FSTL5: variants seen among roughly 807,000 people sequenced by gnomAD.
FSTL5 encodes the protein follistatin like 5, also known as follistatin-related protein 5.
In FSTL5, 62 loss-of-function variants were observed where a neutral mutation model predicts 89.1. The observed-to-expected ratio is 0.70, with a 90% CI of 0.57 to 0.86. FSTL5 has a LOEUF of 0.86. Ranked by LOEUF, FSTL5 falls within the 40% of genes least tolerant of loss-of-function variation. The pLI, the probability that FSTL5 is intolerant of heterozygous loss-of-function variation, is 0.00. For synonymous variants in FSTL5, 383 were observed against 346.2 expected (o/e 1.11, Z -1.18); for missense variants, 1,057 against 1,001.6 (o/e 1.06, Z -0.75).
At chr4:161,558,707 C>T (rs1732480467) in intron 8 of FSTL5, among the ~76,000 whole-genome samples, 1 of 151,816 alleles carries the variant, frequency 6.6e-6, no homozygotes, top group South Asian at 2.1e-4. Flanking sequence ...TCATAGAGGT[C>T]ATCTCTCAAT....
At chr4:161,478,708 T>G (rs1729390844) in intron 13 of FSTL5, among the ~76,000 whole-genome samples, 1 of 152,040 alleles carries the variant, frequency 6.6e-6, no homozygotes, top group Non-Finnish European at 1.5e-5. Context: ...CAGAGGCATG[T>G]GTATATTTAC....
At chr4:162,072,582 A>G (rs1729673999) in intron 2 of FSTL5, among the ~76,000 whole-genome samples, 1 of 151,808 alleles carries the variant, frequency 6.6e-6, no homozygotes, top group African/African-American at 2.4e-5. Context: ...AAATATAGGC[A>G]CCCCTCAGTG....
chr4:161,573,537 A>C (rs2126589121), intron 8 of FSTL5, among the ~76,000 whole-genome samples: 1 of 77,474 alleles, frequency 1.3e-5, no homozygotes, highest in Admixed American at 1.4e-4. Context: ...GGAGTTCGCT[A>C]CCAGCCTGAC....
At chr4:161,449,650 G>C (rs1013269848) in intron 15 of FSTL5, among the ~76,000 whole-genome samples, 1 of 152,098 alleles carries the variant, frequency 6.6e-6, no homozygotes, top group African/African-American at 2.4e-5. Flanking sequence ...GTTTGTAGTT[G>C]AACTCTAACT....
chr4:161,591,311 G>T (rs575259086), intron 7 of FSTL5, among the ~76,000 whole-genome samples: 4 of 152,158 alleles, frequency 2.6e-5, no homozygotes, highest in South Asian at 2.1e-4. Context: ...CTGAGGGAAT[G>T]GGGGAGTGGG....
rs1477793587 is a variant in FSTL5, at chr4:161,920,350, T to A, written c.409+54A>T. The A allele has an allele frequency of 1.9e-6, 3 of 1,565,074 alleles. No individual in the cohort carries two copies. In the African/African-American group the frequency reaches 4.1e-5, roughly 21 times the overall value. On this transcript the variant is annotated intron_variant, in intron 4 of 15. Coordinates refer to ENST00000306100, the MANE Select transcript of FSTL5 (RefSeq NM_020116.5). ...ATTGCTAGAGTTTAAAGGCACTAGT[T>A]GAGAAAGAAAAGAAATAGAGTGGGG...
chr4:161,767,811 T>TA (rs1326149066), intron 5 of FSTL5, among the ~76,000 whole-genome samples: 10 of 151,534 alleles, frequency 6.6e-5, no homozygotes, highest in Admixed American at 6.6e-4. Flanking sequence ...CAAAACAACA[T>TA]AAAAGAGAGC....
intron 3 of FSTL5, among the ~76,000 whole-genome samples, chr4:161,932,316 G>A (rs1022947858): frequency 6.6e-6 from 1 of 151,704 alleles, no homozygotes; most frequent in Non-Finnish European, 1.5e-5. Context: ...CATAACAAGA[G>A]ACTATTTTTA....
chr4:161,660,665 A>G (rs1736674436), intron 6 of FSTL5, among the ~76,000 whole-genome samples: 1 of 151,794 alleles, frequency 6.6e-6, no homozygotes, highest in South Asian at 2.1e-4. Flanking sequence ...TGTTGTTCCC[A>G]TCTATGTGTC....
At chr4:161,456,600 C>CAGGGCA (rs1279249358) in intron 14 of FSTL5, among the ~76,000 whole-genome samples, 1 of 152,066 alleles carries the variant, frequency 6.6e-6, no homozygotes, top group Non-Finnish European at 1.5e-5. Flanking sequence ...AGGGCTTGCC[C>CAGGGCA]ATATTTTTGG....
At chr4:161,514,564 A>C (rs1360479007) in intron 10 of FSTL5, among the ~76,000 whole-genome samples, 1 of 152,192 alleles carries the variant, frequency 6.6e-6, no homozygotes, top group Non-Finnish European at 1.5e-5. Context: ...CCACTAGTCA[A>C]TAGATCCATG....
At chr4:161,889,266 T>C (rs530216920) in intron 4 of FSTL5, among the ~76,000 whole-genome samples, 32 of 152,260 alleles carry the variant, frequency 2.1e-4, no homozygotes, top group Admixed American at 1.8e-3. Context: ...TTTATTATAA[T>C]ACTATGGAAT....
intron 2 of FSTL5, among the ~76,000 whole-genome samples, chr4:162,092,080 T>C (rs865809712): frequency 1.7e-4 from 26 of 152,138 alleles, no homozygotes; most frequent in African/African-American, 5.8e-4. Flanking sequence ...CTTTTTAATA[T>C]TCAATCCTAA....
intron 4 of FSTL5, among the ~76,000 whole-genome samples, chr4:161,814,180 A>G (rs901873175): frequency 7.9e-5 from 12 of 152,310 alleles, no homozygotes; most frequent in Non-Finnish European, 1.5e-4. Flanking sequence ...ACAGAGAAGG[A>G]TAAGAAAATG....
intron 4 of FSTL5, among the ~76,000 whole-genome samples, chr4:161,813,941 A>T (rs1730245657): frequency 6.6e-6 from 1 of 152,124 alleles, no homozygotes; most frequent in Admixed American, 6.5e-5. Flanking sequence ...TATAAACATA[A>T]TCAATAAGGA....
At chr4:161,402,854 C>T (rs1318538523) in intron 15 of FSTL5, among the ~76,000 whole-genome samples, 1 of 149,210 alleles carries the variant, frequency 6.7e-6, no homozygotes, top group African/African-American at 2.5e-5. Flanking sequence ...TGGAGTTTCA[C>T]TCTGTTGCCC....
At chr4:162,020,202 A>G (rs1737032340) in intron 3 of FSTL5, among the ~76,000 whole-genome samples, 1 of 152,016 alleles carries the variant, frequency 6.6e-6, no homozygotes, top group South Asian at 2.1e-4. Flanking sequence ...TCATTCCTCG[A>G]TTAACCAGGG....
chr4:161,963,196 A>C (rs1003617330), intron 3 of FSTL5, among the ~76,000 whole-genome samples: 3 of 151,980 alleles, frequency 2.0e-5, no homozygotes, highest in African/African-American at 7.2e-5. Context: ...AATTTGATTC[A>C]AAATATCTAT....
chr4:162,125,071 C>T (rs994422219), intron 1 of FSTL5, among the ~76,000 whole-genome samples: 4 of 152,194 alleles, frequency 2.6e-5, no homozygotes, highest in African/African-American at 9.6e-5. Context: ...ACAGCAAACA[C>T]AAAAATAGCA....
Sources: allele counts gnomAD v4.1 joint callset (sites outside exome capture counted in the v4.1 genomes callset), GRCh38; gene constraint gnomAD v4.1.1; transcripts MANE v1.5; gene names NCBI Gene and HGNC (gene_info 2026-07-23, HGNC 2026-07-21).